Variants in PTPN1 observed in about 807,000 individuals in gnomAD.
PTPN1 encodes protein tyrosine phosphatase non-receptor type 1, also known as tyrosine-protein phosphatase non-receptor type 1.
A neutral mutation model predicts 59.9 loss-of-function variants in PTPN1; 12 were observed. The observed-to-expected ratio is 0.20, with a 90% CI of 0.13 to 0.32. The LOEUF (loss-of-function observed/expected upper bound fraction) is 0.32, where lower values mean the gene tolerates loss of function less well. PTPN1 is among the 10% of genes least tolerant of loss of function. The pLI is 1.00. For synonymous variants in PTPN1, 178 were observed against 203.6 expected, an observed-to-expected ratio of 0.87 and a Z score of 1.07; for missense variants, 356 against 549.2, an observed-to-expected ratio of 0.65 and a Z score of 3.52.
intron 4 of PTPN1, 106 bp from the exon 5 acceptor site, chr20:50,574,411 C>T: frequency 8.4e-7 from 1 of 1,190,946 alleles, no homozygotes; most frequent in Non-Finnish European, 1.2e-6. Flanking sequence ...TCAGAAACCC[C>T]CAGGCCTTTG....
chr20:50,518,939 C>A (rs1474853414), intron 1 of PTPN1, among the ~76,000 whole-genome samples: 2 of 152,168 alleles, frequency 1.3e-5, no homozygotes, highest in Non-Finnish European at 2.9e-5. Flanking sequence ...AATCCACATC[C>A]CTAGAATGCT....
chr20:50,560,144 C>A (rs747367412), intron 1 of PTPN1, among the ~76,000 whole-genome samples: 24 of 152,008 alleles, frequency 1.6e-4, no homozygotes, highest in Non-Finnish European at 3.5e-4. Flanking sequence ...TAGCTGCCAG[C>A]GGTGTGAGTG....
chr20:50,552,523 T>C (rs2082706650), intron 1 of PTPN1, among the ~76,000 whole-genome samples: 2 of 152,134 alleles, frequency 1.3e-5, no homozygotes, highest in African/African-American at 2.4e-5. Flanking sequence ...AGGGATCCAC[T>C]TACTGCTGTG....
chr20:50,565,160 T>G, intron 3 of PTPN1, 91 bp downstream of exon 3: 1 of 1,303,378 alleles, frequency 7.7e-7, no homozygotes, highest in Non-Finnish European at 1.0e-6. Flanking sequence ...TGCCACATCC[T>G]TTAGAAGGTC....
In PTPN1 at chr20:50,582,165, C is replaced by T. The variant is rs1486736368; in HGVS notation, c.1285-527C>T. Reference sequence around the variant, plus strand: ...TTCCATTGTCCTTTCTCCATTGCTCCCTCCTGTGACAGCCATCTTGCTCAT... The same window carrying T: ...TTCCATTGTCCTTTCTCCATTGCTCTCTCCTGTGACAGCCATCTTGCTCAT... On this transcript the variant is annotated intron_variant, in intron 9 of 9. Coordinates refer to ENST00000371621, the MANE Select transcript of PTPN1 (RefSeq NM_002827.4). This position sits in a 1 kb window ranked among gnomAD's most constrained non-coding sequence, Gnocchi z 4.2. Among the ~76,000 whole-genome samples the T allele has an allele frequency of 6.6e-6, 1 of 152,236 alleles. No individual in the cohort carries two copies. Among genetic ancestry groups the T allele is most frequent in the Non-Finnish European group, 1.5e-5 (1 of 68,040 alleles).
At chr20:50,517,293 C>T (rs768451290) in intron 1 of PTPN1, among the ~76,000 whole-genome samples, 11 of 152,100 alleles carry the variant, frequency 7.2e-5, no homozygotes, top group Admixed American at 1.3e-4. Flanking sequence ...CTTGCTGTGT[C>T]GTCCAGGCTG....
chr20:50,577,885 G>A (rs1010118206), intron 5 of PTPN1: 5 of 154,944 alleles, frequency 3.2e-5, no homozygotes, highest in African/African-American at 1.2e-4. Flanking sequence ...TCAGCTGGGT[G>A]TTGAGCCACA....
At chr20:50,539,539 G>T (rs191422253) in intron 1 of PTPN1, among the ~76,000 whole-genome samples, 44 of 151,850 alleles carry the variant, frequency 2.9e-4, no homozygotes, top group Non-Finnish European at 7.4e-5. Flanking sequence ...TTGTCTTCTG[G>T]TATAAAGCAT....
intron 4 of PTPN1, 189 bp from the exon 5 acceptor site, chr20:50,574,328 C>T (rs1307874965): frequency 2.1e-5 from 12 of 566,842 alleles, no homozygotes; most frequent in South Asian, 5.4e-5. Context: ...CAACCTGCCC[C>T]GGTCAGCAGC....
chr20:50,577,822 C>T, intron 5 of PTPN1: 1 of 152,730 alleles, frequency 6.5e-6, no homozygotes, highest in Non-Finnish European at 1.5e-5. Context: ...GCAGCGCCAG[C>T]ACGTAGGACA....
intron 1 of PTPN1, among the ~76,000 whole-genome samples, chr20:50,512,303 T>C (rs1339886945): frequency 6.6e-6 from 1 of 152,204 alleles, no homozygotes; most frequent in Non-Finnish European, 1.5e-5. Context: ...CCCATCACAG[T>C]GGAAGCATTG....
chr20:50,566,117 C>G (rs541981511), intron 3 of PTPN1, among the ~76,000 whole-genome samples: 9 of 152,282 alleles, frequency 5.9e-5, no homozygotes, highest in African/African-American at 1.9e-4. Context: ...CAGGGCAGGC[C>G]TTTACCAGGC....
At chr20:50,524,967 A>G (rs185217638) in intron 1 of PTPN1, among the ~76,000 whole-genome samples, 3 of 152,306 alleles carry the variant, frequency 2.0e-5, no homozygotes, top group African/African-American at 7.2e-5. Context: ...GTGTACTGAT[A>G]ATTATCTTAC....
At chr20:50,572,033 GA>G (rs1464244771) in intron 4 of PTPN1, 1 of 152,142 alleles carries the variant, frequency 6.6e-6, no homozygotes, top group Admixed American at 6.5e-5. Context: ...AATTTTTGGC[GA>G]AACCAAATTA....
intron 1 of PTPN1, among the ~76,000 whole-genome samples, chr20:50,517,469 G>C (rs1435610397): frequency 6.6e-6 from 1 of 152,120 alleles, no homozygotes; most frequent in Non-Finnish European, 1.5e-5. Flanking sequence ...GTGTTGCCCA[G>C]GCTGGTCTTG....
chr20:50,574,445 G>A lies in PTPN1; in HGVS notation c.355-72G>A, dbSNP rs2082826167. The A allele has an allele frequency of 7.0e-6, 10 of 1,423,116 alleles. No individual in the cohort carries two copies. In the South Asian group the frequency reaches 1.4e-4, roughly 20 times the overall value. The allele number at this position is 1,423,116 out of a possible 1,614,324, so 88.2% of individuals were successfully genotyped here. On this transcript the variant is annotated intron_variant, in intron 4 of 9. Coordinates refer to ENST00000371621, the MANE Select transcript of PTPN1 (RefSeq NM_002827.4). Reference sequence around the variant, plus strand: ...TGAGTTATCATGAAGCTTGTGGGATGTGCTCCAAGCCTCCTGCCATAGAAA... The same window carrying A: ...TGAGTTATCATGAAGCTTGTGGGATATGCTCCAAGCCTCCTGCCATAGAAA...
At position 50,583,488 on chromosome 20, in the gene PTPN1, T is replaced by G. The variant is rs1051591276; in HGVS notation, c.*773T>G. ...CTAGTTCTCAATCACTGCTCCCCCG[T>G]GTGTATTAGAATGCATGTAAGGTCT... On this transcript the variant is annotated 3_prime_UTR_variant, in exon 10 of 10. Coordinates refer to ENST00000371621, the MANE Select transcript of PTPN1 (RefSeq NM_002827.4). 4 of 152,224 alleles carry G rather than the reference T, an allele frequency of 2.6e-5. No individual in the cohort carries two copies. The highest frequency in any genetic ancestry group is 9.7e-5 in the African/African-American group (4 of 41,438). 9.4% of individuals were successfully genotyped at this position (152,224 alleles called of 1,614,324 possible). A position where few individuals can be genotyped will look rare whatever the true frequency, so the allele number is the denominator to read the frequency against.
intron 1 of PTPN1, 53 bp from the exon 2 acceptor site, chr20:50,561,310 G>A: frequency 7.5e-7 from 1 of 1,330,672 alleles, no homozygotes; most frequent in Non-Finnish European, 1.1e-6. Context: ...TTTCTTTGCT[G>A]GGTCTTCCTC....
intron 1 of PTPN1, among the ~76,000 whole-genome samples, chr20:50,514,082 G>T (rs1441170474): frequency 3.3e-5 from 5 of 152,226 alleles, no homozygotes; most frequent in Non-Finnish European, 7.3e-5. Flanking sequence ...GATTAACTGG[G>T]AGCACAAGTA....
Sources: gnomAD v4.1 joint callset for allele counts (sites outside exome capture counted in the v4.1 genomes callset) on GRCh38, gnomAD v4.1.1 for gene constraint, Gnocchi (gnomAD v3.1) non-coding constraint, MANE v1.5 for transcripts, NCBI Gene and HGNC (gene_info 2026-07-23, HGNC 2026-07-21) for gene names.